MAP4: variants seen among roughly 807,000 people sequenced by gnomAD.
MAP4 encodes microtubule associated protein 4, also known as microtubule-associated protein 4.
In MAP4, 76 loss-of-function variants were observed where a neutral mutation model predicts 170.2. The observed-to-expected ratio is 0.45, with a 90% CI of 0.37 to 0.54. The LOEUF (loss-of-function observed/expected upper bound fraction) is 0.54. Among genes scored for constraint, MAP4 ranks in the 20% least tolerant of loss-of-function variants. MAP4 has a pLI of 0.00. For missense variants in MAP4, 2,506 were observed against 2,748.0 expected (o/e 0.91, Z 1.97); for synonymous variants, 909 against 994.5 (o/e 0.91, Z 1.62).
intron 1 of MAP4, among the ~76,000 whole-genome samples, chr3:48,074,918 G>A (rs2100143101): frequency 6.6e-6 from 1 of 152,008 alleles, no homozygotes; most frequent in Admixed American, 6.6e-5. Context: ...ACATTGTTAA[G>A]ATGGCAGCAC....
chr3:47,915,081 G>A (rs1041480292), intron 7 of MAP4, 142 bp from the exon 8 acceptor site: 19 of 936,718 alleles, frequency 2.0e-5, no homozygotes, highest in Non-Finnish European at 2.8e-5. Context: ...GTAGTTGGAA[G>A]CTGAAGTTGG....
At chr3:47,900,514 C>T (rs539278805) in intron 10 of MAP4, among the ~76,000 whole-genome samples, 2 of 152,058 alleles carry the variant, frequency 1.3e-5, no homozygotes, top group Admixed American at 6.6e-5. Context: ...CTGAGGCAGG[C>T]GCATCACCTG....
At chr3:48,081,228 T>C (rs1235982689) in intron 1 of MAP4, among the ~76,000 whole-genome samples, 6 of 151,922 alleles carry the variant, frequency 3.9e-5, no homozygotes, top group Non-Finnish European at 5.9e-5. Flanking sequence ...AGGCGCAGCT[T>C]GCAGTGAGCC....
chr3:47,854,798 G>GGCCCTGCAGGGGGAGGC (rs2051816106), intron 19 of MAP4, among the ~76,000 whole-genome samples: 1 of 152,136 alleles, frequency 6.6e-6, no homozygotes, highest in African/African-American at 2.4e-5. Flanking sequence ...GCCCCAGGCA[G>GGCCCTGCAGGGGGAGGC]CCTGCTGTCG....
At chr3:48,018,170 G>C (rs1406638772), upstream of MAP4, among the ~76,000 whole-genome samples, 1 of 152,152 alleles carries the variant, frequency 6.6e-6, no homozygotes, top group Non-Finnish European at 1.5e-5. Flanking sequence ...ACTGGCCATG[G>C]ACTGGTACCA....
At chr3:47,986,367 G>T (rs1004224010) in intron 2 of MAP4, among the ~76,000 whole-genome samples, 2 of 151,754 alleles carry the variant, frequency 1.3e-5, no homozygotes, top group South Asian at 2.1e-4. Context: ...TTTTGAGATG[G>T]AGTCACTCTG....
At chr3:47,923,748 T>G (rs1341962425) in intron 4 of MAP4, among the ~76,000 whole-genome samples, 1 of 151,638 alleles carries the variant, frequency 6.6e-6, no homozygotes, top group African/African-American at 2.4e-5. Context: ...CCTGGGGAGG[T>G]TGAGTCTGTG....
chr3:48,059,876 A>C (rs949618126), intron 1 of MAP4, among the ~76,000 whole-genome samples: 8 of 151,638 alleles, frequency 5.3e-5, no homozygotes, highest in Non-Finnish European at 7.4e-5. Context: ...GCAACTCAGG[A>C]GGCTGAGGCA....
At chr3:47,962,303 G>A (rs1252543673) in intron 3 of MAP4, among the ~76,000 whole-genome samples, 2 of 152,224 alleles carry the variant, frequency 1.3e-5, no homozygotes, top group South Asian at 2.1e-4. Context: ...ATTCTTTCCT[G>A]GCAAAGCCAA....
At chr3:48,016,050 A>G (rs2100107635) in intron 1 of MAP4, among the ~76,000 whole-genome samples, 1 of 152,218 alleles carries the variant, frequency 6.6e-6, no homozygotes, top group Non-Finnish European at 1.5e-5. Context: ...TCTGTTCGTA[A>G]CCACCATTTG....
chr3:47,858,942 C>T (rs966399111), intron 17 of MAP4, among the ~76,000 whole-genome samples: 11 of 152,186 alleles, frequency 7.2e-5, no homozygotes, highest in African/African-American at 2.4e-4. Context: ...TCCTGGCTAA[C>T]ATGGTGAAAC....
intron 1 of MAP4, among the ~76,000 whole-genome samples, chr3:48,030,798 CAAAAAAAAAAA>C (rs71625847): frequency 3.4e-4 from 10 of 29,062 alleles, no homozygotes; most frequent in South Asian, 3.0e-3. Context: ...GACTCCATCT[CAAAAAAAAAAA>C]AAAAAAAAAA....
Position 47,869,271 on chromosome 3 carries a change from A to G in MAP4, c.6351T>C (p.Asn2117=), listed in dbSNP as rs2086436562. 6.2e-7 allele frequency: 1 copy of G among 1,614,172 alleles called. No individual in the cohort carries two copies. Among genetic ancestry groups the G allele is most frequent in the East Asian group, 2.2e-5 (1 of 44,882 alleles). ...TTGGGCCGGCTGTTTTAGTGACTGC[A>G]TTAGATTCAGGCTTTCGGGTTGTAG... ...AAATTRKPES[N]AVTKTAGPIA... is the part of the protein sequence containing the mutation. Residue 2117 remains asparagine, a synonymous_variant, in exon 16 of 21, where the codon AAT becomes AAC. Transcript: ENST00000683076.
At position 47,910,155 on chromosome 3, in the gene MAP4, T is replaced by TG; in HGVS notation, c.4265dup (p.Ser1423IlefsTer6). On this transcript the variant is annotated frameshift_variant, in exon 9 of 21. Coordinates refer to ENST00000683076, the MANE Select transcript of MAP4 (RefSeq NM_001385682.1). LOFTEE classifies it high-confidence loss of function. ...GAGATGATTTATTTATCAGCTCTGA[T>TG]GGTGTTCTGGGACAGGTAAATGTAA... The TG allele has an allele frequency of 6.2e-7, 1 of 1,614,020 alleles. No homozygotes were observed. The highest frequency in any genetic ancestry group is 8.5e-7 in the Non-Finnish European group (1 of 1,179,882).
intron 17 of MAP4, among the ~76,000 whole-genome samples, chr3:47,861,580 T>C (rs1215263414): frequency 6.6e-6 from 1 of 151,126 alleles, no homozygotes; most frequent in East Asian, 2.0e-4. Context: ...CTAGAACTCC[T>C]GACCTTGTGA....
intron 1 of MAP4, among the ~76,000 whole-genome samples, chr3:48,022,377 G>A (rs1281812921): frequency 1.3e-5 from 2 of 152,082 alleles, no homozygotes; most frequent in African/African-American, 2.4e-5. Context: ...ATACAGCCTC[G>A]GCAAGGTGGC....
chr3:47,864,900 G>A (rs1428786132), intron 17 of MAP4, among the ~76,000 whole-genome samples: 1 of 152,024 alleles, frequency 6.6e-6, no homozygotes. Context: ...GTGCCCAGCT[G>A]GGGGGCTCAT....
In MAP4 at chr3:47,909,400, C is replaced by A. The variant is rs749821001; in HGVS notation, c.5021G>T (p.Ser1674Ile). Residue 1674 changes from serine (S) to isoleucine (I), a missense_variant, in exon 9 of 21, where the codon AGT (serine) becomes ATT (isoleucine). This residue lies in a region of MAP4 where 2,008 missense variants were observed against 2,206.0 expected (regional missense o/e 0.91). Transcript: ENST00000683076. ...KSENDKLKEI[S>I]LACKITELES... is the part of the protein sequence containing the mutation. ...CAATTCCGTGATTTTACAAGCCAGA[C>A]TAATTTCTTTCAATTTATCATTTTC... 3.7e-6 allele frequency: 6 copies of A among 1,613,604 alleles called. No individual in the cohort carries two copies. In the East Asian group the frequency reaches 8.9e-5, roughly 24 times the overall value.
chr3:48,054,808 C>CA (rs1044719447), intron 1 of MAP4, among the ~76,000 whole-genome samples: 193 of 128,344 alleles, frequency 1.5e-3, no homozygotes, highest in Admixed American at 2.8e-3. Flanking sequence ...ACTCTGTCTC[C>CA]AAAAAAAAAA....
Sources: gnomAD v4.1 joint callset for allele counts (sites outside exome capture counted in the v4.1 genomes callset) on GRCh38, gnomAD v4.1.1 for gene constraint, gnomAD v4.1.1 regional missense constraint, MANE v1.5 for transcripts, NCBI Gene and HGNC (gene_info 2026-07-23, HGNC 2026-07-21) for gene names.